The following ITGB1 variants were observed in gnomAD, a reference collection of about 807,000 sequenced individuals.
The protein encoded by ITGB1 is integrin beta-1.
ITGB1 carries 24 observed loss-of-function variants against 86.5 expected under a neutral mutation model. That is an observed-to-expected ratio of 0.28 (90% CI 0.20 to 0.39). The LOEUF is 0.39. Among genes scored for constraint, ITGB1 ranks in the 10% least tolerant of loss-of-function variants. The probability of loss-of-function intolerance (pLI) is 1.00; values close to 1 mark genes in which losing one functional copy is unlikely to be tolerated. For synonymous variants in ITGB1, 323 were observed against 316.8 expected (o/e 1.02, Z -0.21); for missense variants, 556 against 946.9 (o/e 0.59, Z 5.42).
chr10:32,923,854 T>C (rs897104971), intron 6 of ITGB1, 114 bp from the exon 7 acceptor site: 6 of 839,652 alleles, frequency 7.1e-6, no homozygotes, highest in African/African-American at 1.7e-5. Context: ...GTATTTTCTG[T>C]GTCTTCTCTT....
chr10:32,946,380 A>C (rs2095031310), intron 1 of ITGB1, among the ~76,000 whole-genome samples: 1 of 152,222 alleles, frequency 6.6e-6, no homozygotes, highest in African/African-American at 2.4e-5. Flanking sequence ...AGTTTTCTGA[A>C]GGAGTTCTTT....
At chr10:32,911,731 A>C in intron 12 of ITGB1, 61 bp from the exon 13 acceptor site, 2 of 1,560,408 alleles carry the variant, frequency 1.3e-6, no homozygotes, top group Non-Finnish European at 1.8e-6. Context: ...TATTGACTGA[A>C]AAGTAAAATA....
At chr10:32,926,839 T>C (rs762017307) in intron 5 of ITGB1, among the ~76,000 whole-genome samples, 23 of 152,198 alleles carry the variant, frequency 1.5e-4, no homozygotes, top group Admixed American at 2.6e-4. Flanking sequence ...GTATCATCTA[T>C]GAACCCAGAA....
chr10:32,907,051 C>T, intron 15 of ITGB1: 1 of 1,324,154 alleles, frequency 7.6e-7, no homozygotes, highest in South Asian at 1.2e-5. Flanking sequence ...GAAAGTGAAA[C>T]AAAATACGAA....
At chr10:32,955,617 G>A (rs1174665365) in intron 1 of ITGB1, 1 of 152,158 alleles carries the variant, frequency 6.6e-6, no homozygotes, top group Admixed American at 6.5e-5. Context: ...TGGCAAGCAC[G>A]CTTAGGAAAA....
intron 11 of ITGB1, among the ~76,000 whole-genome samples, chr10:32,919,081 A>G (rs1418769500): frequency 6.6e-6 from 1 of 152,208 alleles, no homozygotes; most frequent in Non-Finnish European, 1.5e-5. Flanking sequence ...AAAACAGGAT[A>G]TGTACAACAT....
At chr10:32,917,583 C>T (rs1229649729) in intron 11 of ITGB1, among the ~76,000 whole-genome samples, 1 of 152,142 alleles carries the variant, frequency 6.6e-6, no homozygotes, top group African/African-American at 2.4e-5. Context: ...CCAACAGACA[C>T]ATGAAAAAAT....
chr10:32,913,855 A>C (rs2094922273), intron 11 of ITGB1, among the ~76,000 whole-genome samples: 1 of 152,184 alleles, frequency 6.6e-6, no homozygotes, highest in Admixed American at 6.5e-5. Flanking sequence ...ACTCCAAGAC[A>C]CATGATTGTC....
chr10:32,910,494 T>C lies in ITGB1; in HGVS notation c.1932-39A>G, dbSNP rs761432412. The C allele has an allele frequency of 3.8e-5, 52 of 1,355,260 alleles. 1 individual carries two copies. In the South Asian group the frequency reaches 4.5e-4, roughly 12 times the overall value. The allele number at this position is 1,355,260 out of a possible 1,614,324, so 84.0% of individuals were successfully genotyped here. On this transcript the variant is annotated intron_variant, in intron 13 of 15. Coordinates refer to ENST00000302278, the MANE Select transcript of ITGB1 (RefSeq NM_002211.4). The stretch of plus-strand genomic sequence containing the variant: ...CACAAATTATGATATTTACATTTTA[T>C]TATTTCAGTAAATATTTGCTTAAAC...
chr10:32,912,562 C>A (rs1384642157), intron 11 of ITGB1, among the ~76,000 whole-genome samples: 4 of 152,224 alleles, frequency 2.6e-5, no homozygotes, highest in African/African-American at 9.6e-5. Context: ...GCCTCGCTCA[C>A]TGCTAGCACA....
chr10:32,905,694 A>T (rs999675268), intron 15 of ITGB1, among the ~76,000 whole-genome samples: 1 of 152,204 alleles, frequency 6.6e-6, no homozygotes, highest in Non-Finnish European at 1.5e-5. Flanking sequence ...TCTCATATGT[A>T]AAACATTCCT....
chr10:32,928,356 C>A (rs2094972164), intron 4 of ITGB1, 92 bp from the exon 5 acceptor site: 2 of 625,384 alleles, frequency 3.2e-6, no homozygotes, highest in Admixed American at 2.6e-5. Context: ...ACACGGTAAA[C>A]ACAATAAAAT....
chr10:32,925,445 A>G (rs2094961656), intron 6 of ITGB1, among the ~76,000 whole-genome samples: 1 of 152,208 alleles, frequency 6.6e-6, no homozygotes, highest in Non-Finnish European at 1.5e-5. Context: ...AAAACTGACC[A>G]AAGGAAAATG....
chr10:32,955,818 A>G (rs866055152), intron 1 of ITGB1, among the ~76,000 whole-genome samples: 11 of 152,226 alleles, frequency 7.2e-5, no homozygotes, highest in South Asian at 2.1e-4. Context: ...TACTAAATCC[A>G]GTGACTTTCA....
At chr10:32,905,269 T>A (rs1203292182) in intron 15 of ITGB1, among the ~76,000 whole-genome samples, 6 of 152,224 alleles carry the variant, frequency 3.9e-5, no homozygotes, top group Admixed American at 3.9e-4. Context: ...GTTAATGATT[T>A]CTAATGTTAT....
intron 11 of ITGB1, among the ~76,000 whole-genome samples, chr10:32,914,558 G>A (rs1226047536): frequency 1.3e-5 from 2 of 152,034 alleles, no homozygotes; most frequent in East Asian, 1.9e-4. Flanking sequence ...AAGATCAAAA[G>A]GGACAAAGAA....
chr10:32,937,903 A>T (rs1277961672), intron 1 of ITGB1, among the ~76,000 whole-genome samples: 1 of 152,220 alleles, frequency 6.6e-6, no homozygotes, highest in Non-Finnish European at 1.5e-5. Context: ...ACAGACCTCC[A>T]TCTTCAAGGG....
chr10:32,929,939 T>C lies in ITGB1; in HGVS notation c.259A>G (p.Lys87Glu). 1 of 1,544,496 alleles carries C rather than the reference T, an allele frequency of 6.5e-7. No homozygotes were observed. The highest frequency in any genetic ancestry group is 1.1e-5 in the South Asian group (1 of 89,720). The change falls in exon 4 of 16, where the codon AAA (lysine) becomes GAA (glutamate). Residue 87 changes from lysine to glutamate, a missense_variant. Around this residue, in one of 4 missense-constraint regions of ITGB1, gnomAD observed 183 missense variants for 263.9 expected, o/e 0.69. Coordinates refer to ENST00000302278, the MANE Select transcript of ITGB1 (RefSeq NM_002211.4). ...ACATTTTTATTTTTCTTTATATCTT[T>C]GGAGCCTCTGGGATTTTCTATGTCA... Reference protein sequence around the residue: ...PDDIENPRGSKDIKKNKNVTN... With the variant: ...PDDIENPRGSEDIKKNKNVTN...
At chr10:32,953,018 G>A (rs2095045554) in intron 1 of ITGB1, among the ~76,000 whole-genome samples, 1 of 152,050 alleles carries the variant, frequency 6.6e-6, no homozygotes, top group Non-Finnish European at 1.5e-5. Flanking sequence ...TGATATATAT[G>A]ATATTATACA....
Sources: gnomAD v4.1 joint callset for allele counts (sites outside exome capture counted in the v4.1 genomes callset) on GRCh38, gnomAD v4.1.1 for gene constraint, gnomAD v4.1.1 regional missense constraint, MANE v1.5 for transcripts, NCBI Gene and HGNC (gene_info 2026-07-23, HGNC 2026-07-21) for gene names.